The following CDC42BPB variants were observed in gnomAD, a reference collection of about 807,000 sequenced individuals.
CDC42BPB encodes CDC42 binding protein kinase beta.
In CDC42BPB, 37 loss-of-function variants were observed where a neutral mutation model predicts 214.9. That is an observed-to-expected ratio of 0.17 (90% CI 0.13 to 0.23). CDC42BPB has a LOEUF of 0.23. Ranked by LOEUF, CDC42BPB falls within the 10% of genes least tolerant of loss-of-function variation. The pLI, the probability that CDC42BPB is intolerant of heterozygous loss-of-function variation, is 1.00. For synonymous variants in CDC42BPB, 931 were observed against 884.0 expected (o/e 1.05, Z -0.94); for missense variants, 1,694 against 2,227.0 (o/e 0.76, Z 4.82).
intron 2 of CDC42BPB, among the ~76,000 whole-genome samples, chr14:103,011,038 A>G (rs144018353): frequency 2.2e-4 from 34 of 152,352 alleles, no homozygotes; most frequent in African/African-American, 8.2e-4. Context: ...TCAAAAAACA[A>G]AAAAAGCAGC....
At chr14:102,997,201 T>C (rs1226383867) in intron 5 of CDC42BPB, among the ~76,000 whole-genome samples, 2 of 152,104 alleles carry the variant, frequency 1.3e-5, no homozygotes, top group Middle Eastern at 3.2e-3. Context: ...GAGACCACAA[T>C]GGCCTCACAC....
chr14:102,988,322 T>C (rs1894340536), intron 5 of CDC42BPB, among the ~76,000 whole-genome samples: 1 of 149,418 alleles, frequency 6.7e-6, no homozygotes, highest in Admixed American at 6.7e-5. Context: ...GACTAACATT[T>C]GACTACAATC....
intron 29 of CDC42BPB, 198 bp downstream of exon 29, chr14:102,945,464 A>T: frequency 1.7e-6 from 1 of 583,576 alleles, no homozygotes; most frequent in South Asian, 1.9e-5. Context: ...GCTCCCCTTG[A>T]AGAACTCGAT....
At position 102,997,731 on chromosome 14, in the gene CDC42BPB, G is replaced by T. The variant is rs78132955; in HGVS notation, c.596+1834C>A. On this transcript the variant is annotated intron_variant, in intron 5 of 36. Coordinates refer to ENST00000361246, the MANE Select transcript of CDC42BPB (RefSeq NM_006035.4). ...ATTATCAACTCCAGAGAAAGCAGAA[G>T]TTTATGTAAGTGTAGTTCTCAACTA... Among the ~76,000 whole-genome samples, 62 of 152,372 alleles carry T rather than the reference G, an allele frequency of 4.1e-4. No individual in the cohort carries two copies. In the East Asian group the frequency reaches 0.011, roughly 26 times the overall value.
At chr14:102,987,446 G>A in intron 5 of CDC42BPB, among the ~76,000 whole-genome samples, 1 of 152,200 alleles carries the variant, frequency 6.6e-6, no homozygotes, top group East Asian at 1.9e-4. Flanking sequence ...GTACAAGCAT[G>A]TTCCCAGCGG....
chr14:103,020,293 G>C (rs1401038954), intron 1 of CDC42BPB, among the ~76,000 whole-genome samples: 1 of 152,226 alleles, frequency 6.6e-6, no homozygotes, highest in African/African-American at 2.4e-5. Context: ...GAGGACACAA[G>C]GGACAGACGT....
intron 36 of CDC42BPB, chr14:102,934,094 T>C: frequency 8.6e-7 from 1 of 1,157,846 alleles, no homozygotes; most frequent in Non-Finnish European, 1.1e-6. Flanking sequence ...ACAGCAACTC[T>C]GTAGTGAAGA....
At chr14:102,987,419 C>A (rs528694395) in intron 5 of CDC42BPB, among the ~76,000 whole-genome samples, 37 of 152,336 alleles carry the variant, frequency 2.4e-4, no homozygotes, top group Admixed American at 3.3e-4. Context: ...CAAAGACAGA[C>A]ATTCAGCAAA....
At chr14:102,985,961 G>A (rs34194778) in intron 6 of CDC42BPB, among the ~76,000 whole-genome samples, 1 of 152,158 alleles carries the variant, frequency 6.6e-6, no homozygotes, top group Non-Finnish European at 1.5e-5. Flanking sequence ...TAGCCGATCC[G>A]GGGGCAACCT....
intron 14 of CDC42BPB, among the ~76,000 whole-genome samples, chr14:102,969,091 G>A (rs1314467162): frequency 6.6e-6 from 1 of 152,250 alleles, no homozygotes; most frequent in Non-Finnish European, 1.5e-5. Context: ...ACCAGTAAAG[G>A]GGCAGAGGGG....
At chr14:102,976,725 G>A (rs1282147275) in intron 9 of CDC42BPB, among the ~76,000 whole-genome samples, 3 of 152,252 alleles carry the variant, frequency 2.0e-5, no homozygotes, top group Non-Finnish European at 4.4e-5. Flanking sequence ...GCCCCCTTTA[G>A]AGAAGACCTG....
intron 3 of CDC42BPB, among the ~76,000 whole-genome samples, chr14:103,005,778 T>C (rs888040990): frequency 6.6e-6 from 1 of 152,060 alleles, no homozygotes; most frequent in Non-Finnish European, 1.5e-5. Flanking sequence ...TCCCAGCACT[T>C]TGGGAGGCTG....
intron 1 of CDC42BPB, among the ~76,000 whole-genome samples, chr14:103,023,402 G>A (rs1488551553): frequency 6.6e-6 from 1 of 151,888 alleles, no homozygotes; most frequent in Admixed American, 6.6e-5. Context: ...CCTCACCTCA[G>A]GTGATCCACC....
At chr14:103,031,155 TAAAA>T (rs1268032181) in intron 1 of CDC42BPB, among the ~76,000 whole-genome samples, 1 of 151,388 alleles carries the variant, frequency 6.6e-6, no homozygotes, top group Non-Finnish European at 1.5e-5. Context: ...GGAAATGAAA[TAAAA>T]AAAGTACATG....
At chr14:102,967,960 T>A (rs576446592) in intron 16 of CDC42BPB, among the ~76,000 whole-genome samples, 198 of 152,196 alleles carry the variant, frequency 1.3e-3, no homozygotes, top group African/African-American at 4.5e-3. Flanking sequence ...CCAGGCGTGG[T>A]GGCAGACGCC....
intron 1 of CDC42BPB, among the ~76,000 whole-genome samples, chr14:103,033,689 A>G (rs957673519): frequency 2.0e-5 from 3 of 152,232 alleles, no homozygotes; most frequent in Non-Finnish European, 4.4e-5. Flanking sequence ...ATTTTCATAC[A>G]TGAGCTCATC....
rs765460474 is a variant in CDC42BPB at position 102,939,967 on chromosome 14, G to A, written c.4592-20C>T. On this transcript the variant is annotated intron_variant, in intron 32 of 36. Coordinates refer to ENST00000361246, the MANE Select transcript of CDC42BPB (RefSeq NM_006035.4). ...CCGCTCCTGCAGAAGCAGAGCGCGC[G>A]GTGACGGTGCTGCGGCACCAGGGAC... The A allele has an allele frequency of 8.7e-6, 14 of 1,613,658 alleles. No homozygotes were observed. The highest frequency in any genetic ancestry group is 5.3e-5 in the African/African-American group (4 of 74,942).
At chr14:102,939,016 A>C (rs948021311) in intron 34 of CDC42BPB, among the ~76,000 whole-genome samples, 1 of 151,440 alleles carries the variant, frequency 6.6e-6, no homozygotes, top group African/African-American at 2.4e-5. Flanking sequence ...GGCTCACTGC[A>C]AGCTCCGCCT....
chr14:103,042,435 C>T (rs967104398), intron 1 of CDC42BPB, among the ~76,000 whole-genome samples: 18 of 152,102 alleles, frequency 1.2e-4, no homozygotes, highest in Admixed American at 1.1e-3. Context: ...CTCAGCCTCC[C>T]GAGTAGCTGG....
Sources: allele counts gnomAD v4.1 joint callset (sites outside exome capture counted in the v4.1 genomes callset), GRCh38; gene constraint gnomAD v4.1.1; transcripts MANE v1.5; gene names NCBI Gene and HGNC (gene_info 2026-07-23, HGNC 2026-07-21).